Variants in C8B observed in about 807,000 individuals in gnomAD.
The protein encoded by C8B is complement component C8 beta chain.
C8B carries 67 observed loss-of-function variants against 64.6 expected under a neutral mutation model. That is an observed-to-expected ratio of 1.04 (90% CI 0.85 to 1.27). The LOEUF (loss-of-function observed/expected upper bound fraction) is 1.27. C8B is among the 50% of genes most tolerant of loss of function. The pLI, the probability that C8B is intolerant of heterozygous loss-of-function variation, is 0.00. For synonymous variants in C8B, 284 were observed against 257.7 expected (o/e 1.10, Z -0.98); for missense variants, 790 against 725.2 (o/e 1.09, Z -1.03).
chr1:56,961,849 A>G (rs2101469369), intron 1 of C8B, among the ~76,000 whole-genome samples: 1 of 152,308 alleles, frequency 6.6e-6, no homozygotes, highest in Non-Finnish European at 1.5e-5. Context: ...TGAAAGGTCA[A>G]AGACTACTGG....
chr1:56,949,884 G>A, intron 5 of C8B, 132 bp from the exon 6 acceptor site: 1 of 709,698 alleles, frequency 1.4e-6, no homozygotes. Context: ...AGAGAAATCA[G>A]GGCCGATTTG....
intron 5 of C8B, 22 bp from the exon 6 acceptor site, chr1:56,949,774 G>T (rs1343190112): frequency 2.6e-6 from 4 of 1,554,718 alleles, no homozygotes; most frequent in East Asian, 4.5e-5. Flanking sequence ...AAAAGAAAGG[G>T]TTTTTTATTT....
At chr1:56,946,462 C>T (rs1044744180) in intron 6 of C8B, among the ~76,000 whole-genome samples, 1 of 152,170 alleles carries the variant, frequency 6.6e-6, no homozygotes, top group African/African-American at 2.4e-5. Flanking sequence ...AAAAGTGGTG[C>T]TTTAGGAAAA....
chr1:56,944,383 A>T (rs1016534226), intron 7 of C8B, among the ~76,000 whole-genome samples: 1 of 152,122 alleles, frequency 6.6e-6, no homozygotes, highest in Non-Finnish European at 1.5e-5. Flanking sequence ...TCTTGCTGAA[A>T]TTCCAGACGT....
intron 9 of C8B, among the ~76,000 whole-genome samples, chr1:56,935,899 T>C (rs1242373922): frequency 7.2e-5 from 11 of 152,332 alleles, no homozygotes; most frequent in South Asian, 2.1e-4. Flanking sequence ...GGCATAAGTG[T>C]AATTTTATAT....
intron 6 of C8B, among the ~76,000 whole-genome samples, chr1:56,947,936 C>T (rs1644966233): frequency 7.8e-6 from 1 of 128,004 alleles, no homozygotes; most frequent in South Asian, 3.0e-4. Context: ...GTCTCAAAAA[C>T]AAAACAAAAC....
intron 1 of C8B, among the ~76,000 whole-genome samples, chr1:56,964,779 G>C (rs111357644): frequency 4.6e-5 from 7 of 152,286 alleles, no homozygotes; most frequent in African/African-American, 1.4e-4. Flanking sequence ...CTCCACCCAG[G>C]GGCACAATGC....
rs201793098 is a variant in C8B, at chr1:56,929,569, G to A, written c.1622-11C>T. The A allele has an allele frequency of 8.7e-6, 14 of 1,613,204 alleles. No homozygotes were observed. Among genetic ancestry groups the A allele is most frequent in the Admixed American group, 1.7e-5 (1 of 59,966 alleles). On this transcript the variant is annotated splice_polypyrimidine_tract_variant and intron_variant, in intron 11 of 11. Transcript: ENST00000371237. ...CATCAATGGGGGTATCTATAAGAAAGAAGGTCAATAAGCATCAATCAGCAC... is the reference window on the plus strand; with the variant it reads ...CATCAATGGGGGTATCTATAAGAAAAAAGGTCAATAAGCATCAATCAGCAC...
At chr1:56,958,348 C>A (rs186022098) in intron 2 of C8B, among the ~76,000 whole-genome samples, 26 of 152,260 alleles carry the variant, frequency 1.7e-4, no homozygotes, top group Middle Eastern at 3.4e-3. Context: ...TAGTTATTAC[C>A]TTTATGGCAT....
intron 1 of C8B, among the ~76,000 whole-genome samples, chr1:56,965,009 G>A (rs1312571928): frequency 6.6e-6 from 1 of 152,212 alleles, no homozygotes; most frequent in Non-Finnish European, 1.5e-5. Context: ...GGTTCCTAAT[G>A]GCAGCTCAAC....
Position 56,952,143 on chromosome 1 carries a change from G to C in C8B, c.571C>G (p.Leu191Val). The C allele has an allele frequency of 1.9e-6, 3 of 1,614,178 alleles. No individual in the cohort carries two copies. The highest frequency in any genetic ancestry group is 2.5e-6 in the Non-Finnish European group (3 of 1,180,016). Residue 191 changes from leucine to valine, a missense_variant, in exon 5 of 12, where the codon CTT becomes GTT. By Grantham distance (32) the Leu-to-Val change is conservative (BLOSUM62 1). Transcript: ENST00000371237. Reference sequence around the variant, plus strand: ...CCACCTGCATAATACCTGTGATCAAGAACTGGGCCCTCAAAACTGTTTGTG... The same window carrying C: ...CCACCTGCATAATACCTGTGATCAACAACTGGGCCCTCAAAACTGTTTGTG... ...LFTNSFEGPV[L>V]DHRYYAGGCS... is the part of the protein sequence containing the mutation.
Position 56,943,826 on chromosome 1 carries a change from T to C in C8B, c.1106-2A>G, listed in dbSNP as rs1397322013. On this transcript the variant is annotated splice_acceptor_variant, in intron 7 of 11. Coordinates refer to ENST00000371237, the MANE Select transcript of C8B (RefSeq NM_000066.4). LOFTEE classifies it high-confidence loss of function. ...CATGGACGTTGTTAAGAGTATAATC[T>C]GAAGAAAACAAGGAAAAAGGTCCAT... 6 of 1,613,838 alleles carry C rather than the reference T, an allele frequency of 3.7e-6. No homozygotes were observed. Among genetic ancestry groups the C allele is most frequent in the Admixed American group, 1.7e-5 (1 of 60,004 alleles).
intron 1 of C8B, among the ~76,000 whole-genome samples, chr1:56,964,987 T>C (rs1216769905): frequency 6.6e-6 from 1 of 152,218 alleles, no homozygotes; most frequent in Non-Finnish European, 1.5e-5. Context: ...GAACGAATGC[T>C]CATCATCCTG....
chr1:56,954,600 T>C (rs1645074581), intron 4 of C8B, 86 bp downstream of exon 4: 1 of 1,542,546 alleles, frequency 6.5e-7, no homozygotes, highest in African/African-American at 1.4e-5. Flanking sequence ...GACCTCTGTT[T>C]ATATCAGTTC....
intron 5 of C8B, among the ~76,000 whole-genome samples, chr1:56,950,701 A>T (rs1037916862): frequency 2.0e-5 from 3 of 152,194 alleles, no homozygotes; most frequent in African/African-American, 7.2e-5. Context: ...GACTTTGGAC[A>T]ATTGCCTTGA....
At chr1:56,941,985 A>T (rs1326769357) in intron 8 of C8B, among the ~76,000 whole-genome samples, 1 of 152,212 alleles carries the variant, frequency 6.6e-6, no homozygotes, top group Non-Finnish European at 1.5e-5. Context: ...TTTTGTTCTC[A>T]TCTATAAAGT....
At chr1:56,954,216 C>T (rs887212891) in intron 4 of C8B, among the ~76,000 whole-genome samples, 8 of 152,148 alleles carry the variant, frequency 5.3e-5, no homozygotes, top group African/African-American at 1.9e-4. Context: ...CCCAAAAGCC[C>T]TGGAAATCCA....
intron 1 of C8B, among the ~76,000 whole-genome samples, chr1:56,961,295 G>A (rs1645176883): frequency 1.3e-5 from 2 of 152,234 alleles, no homozygotes; most frequent in Admixed American, 1.3e-4. Context: ...CAAAAGGAAT[G>A]GAGGTTTGCT....
At chr1:56,965,683 G>T (rs1258603753) in intron 1 of C8B, among the ~76,000 whole-genome samples, 174 bp downstream of exon 1, 1 of 152,064 alleles carries the variant, frequency 6.6e-6, no homozygotes, top group South Asian at 2.1e-4. Flanking sequence ...TCAGCTACTT[G>T]GTTCCACAAT....
Sources: gnomAD v4.1 joint callset for allele counts (sites outside exome capture counted in the v4.1 genomes callset) on GRCh38, gnomAD v4.1.1 for gene constraint, MANE v1.5 for transcripts, NCBI Gene and HGNC (gene_info 2026-07-23, HGNC 2026-07-21) for gene names.